Variants in CRISPLD2 observed in about 807,000 individuals in gnomAD.
The protein encoded by CRISPLD2 is cysteine rich secretory protein LCCL domain containing 2, also known as cysteine-rich secretory protein LCCL domain-containing 2.
Under a neutral mutation model 71.1 loss-of-function variants are expected in CRISPLD2, and 47 were observed. That is an observed-to-expected ratio of 0.66 (90% CI 0.52 to 0.84). CRISPLD2 has a LOEUF of 0.84. CRISPLD2 is among the 40% of genes least tolerant of loss of function. CRISPLD2 has a pLI of 0.00. For missense variants in CRISPLD2, 830 were observed against 651.1 expected, an observed-to-expected ratio of 1.27 and a Z score of -2.99; for synonymous variants, 317 against 250.1, an observed-to-expected ratio of 1.27 and a Z score of -2.52.
intron 4 of CRISPLD2, among the ~76,000 whole-genome samples, chr16:84,849,897 T>G (rs1163714218): frequency 6.6e-6 from 1 of 150,868 alleles, no homozygotes; most frequent in East Asian, 1.9e-4. Flanking sequence ...TTTGTATTTT[T>G]TTTTTTTTTT....
intron 6 of CRISPLD2, among the ~76,000 whole-genome samples, chr16:84,862,248 G>A (rs1278904222): frequency 6.6e-6 from 1 of 152,024 alleles, no homozygotes; most frequent in South Asian, 2.1e-4. Context: ...TGTTGCCCAG[G>A]CTGGAGTGCA....
At chr16:84,878,250 T>C (rs1001899848) in intron 12 of CRISPLD2, among the ~76,000 whole-genome samples, 7 of 151,930 alleles carry the variant, frequency 4.6e-5, no homozygotes, top group Non-Finnish European at 1.0e-4. Context: ...ACACAATGTG[T>C]TTTGGCCAAG....
intron 14 of CRISPLD2, 102 bp from the exon 15 acceptor site, chr16:84,906,486 G>T: frequency 8.3e-7 from 1 of 1,199,816 alleles, no homozygotes; most frequent in Non-Finnish European, 1.2e-6. Flanking sequence ...CTTCCACTAC[G>T]GGAGCAAGCA....
chr16:84,820,432 C>T (rs1916205720), intron 1 of CRISPLD2, among the ~76,000 whole-genome samples: 1 of 152,204 alleles, frequency 6.6e-6, no homozygotes, highest in East Asian at 1.9e-4. Context: ...TCTTGCCTTC[C>T]TCGTGCAGTT....
Position 84,854,742 on chromosome 16 carries a change from G to C in CRISPLD2, c.622G>C (p.Gly208Arg). 1.2e-6 allele frequency: 2 copies of C among 1,614,064 alleles called. No homozygotes were observed. The highest frequency in any genetic ancestry group is 1.7e-6 in the Non-Finnish European group (2 of 1,179,930). Residue 208 changes from glycine to arginine, a missense_variant, in exon 6 of 15, where the codon GGA becomes CGA. By Grantham distance (125) the Gly-to-Arg change is moderately radical. Coordinates refer to ENST00000262424, the MANE Select transcript of CRISPLD2 (RefSeq NM_031476.4). ...GTCTGTCCTCAGGGGGAACTGGATT[G>C]GAGAAGCCCCCTACAAGAATGGCCG... ...CNYSPKGNWI[G>R]EAPYKNGRPC...
chr16:84,833,178 C>T (rs1231705253), intron 1 of CRISPLD2, among the ~76,000 whole-genome samples: 1 of 152,194 alleles, frequency 6.6e-6, no homozygotes. Flanking sequence ...CATCTCAAAG[C>T]TCTGGGCAGC....
intron 8 of CRISPLD2, among the ~76,000 whole-genome samples, chr16:84,871,111 C>G (rs2071464989): frequency 6.6e-6 from 1 of 152,060 alleles, no homozygotes; most frequent in Admixed American, 6.6e-5. Flanking sequence ...GTCTGGCTTT[C>G]TTGACTTTTT....
chr16:84,878,969 C>T (rs1424384869), intron 12 of CRISPLD2, among the ~76,000 whole-genome samples: 1 of 152,176 alleles, frequency 6.6e-6, no homozygotes, highest in East Asian at 1.9e-4. Flanking sequence ...GGTGGTGTGG[C>T]CCTCATGAGC....
At chr16:84,844,188 T>G (rs2143193054) in intron 2 of CRISPLD2, among the ~76,000 whole-genome samples, 1 of 152,320 alleles carries the variant, frequency 6.6e-6, no homozygotes, top group Non-Finnish European at 1.5e-5. Context: ...GTTCATGGAA[T>G]TCTCTCCCCA....
intron 14 of CRISPLD2, among the ~76,000 whole-genome samples, chr16:84,891,578 G>T: frequency 6.6e-6 from 1 of 152,218 alleles, no homozygotes. Context: ...TGGCCGGGCT[G>T]GAAAGAAATC....
At chr16:84,894,305 G>T (rs1427450481) in intron 14 of CRISPLD2, among the ~76,000 whole-genome samples, 3 of 152,190 alleles carry the variant, frequency 2.0e-5, no homozygotes, top group Admixed American at 6.5e-5. Context: ...TGTCAGTTCA[G>T]AATTTTTCTT....
At chr16:84,859,488 C>G (rs572335763) in intron 6 of CRISPLD2, among the ~76,000 whole-genome samples, 1 of 152,198 alleles carries the variant, frequency 6.6e-6, no homozygotes, top group African/African-American at 2.4e-5. Context: ...AGATGAACAG[C>G]ATAAATTGTC....
rs557220497 is a variant in CRISPLD2, at chr16:84,905,086, G to A, written c.1440-1502G>A. Among the ~76,000 whole-genome samples the A allele has an allele frequency of 7.4e-4, 112 of 152,270 alleles. 1 individual carries two copies. The highest frequency in any genetic ancestry group is 1.2e-3 in the Non-Finnish European group (82 of 68,012). On this transcript the variant is annotated intron_variant, in intron 14 of 14. Coordinates refer to ENST00000262424, the MANE Select transcript of CRISPLD2 (RefSeq NM_031476.4). ...ACTTGGGCCCAGGAGTTTGAGACCA[G>A]CCTGGGCAACATAGTGAGACTCCAT... is the stretch of plus-strand genomic sequence containing the variant.
intron 3 of CRISPLD2, among the ~76,000 whole-genome samples, chr16:84,848,077 C>T (rs1248571513): frequency 1.3e-5 from 2 of 152,188 alleles, no homozygotes; most frequent in Non-Finnish European, 2.9e-5. Context: ...AGGAATTTTG[C>T]TAACTTGCTT....
chr16:84,845,258 C>T (rs189051725), intron 2 of CRISPLD2, among the ~76,000 whole-genome samples: 38 of 152,238 alleles, frequency 2.5e-4, no homozygotes, highest in African/African-American at 9.2e-4. Context: ...TGTTAGAATG[C>T]AATGAAAAGG....
intron 8 of CRISPLD2, among the ~76,000 whole-genome samples, chr16:84,870,776 C>T (rs949528198): frequency 5.9e-5 from 9 of 151,978 alleles, no homozygotes; most frequent in African/African-American, 1.4e-4. Context: ...TAAACAGTTG[C>T]GGCCAGGTAC....
intron 1 of CRISPLD2, among the ~76,000 whole-genome samples, chr16:84,827,264 C>CCGTGTCTG (rs1163647253): frequency 6.6e-6 from 1 of 152,142 alleles, no homozygotes; most frequent in East Asian, 1.9e-4. Context: ...TGGTTGAGCA[C>CCGTGTCTG]CGTGTCTGCG....
chr16:84,865,200 G>A (rs1286327275), intron 6 of CRISPLD2, among the ~76,000 whole-genome samples: 2 of 150,504 alleles, frequency 1.3e-5, no homozygotes, highest in African/African-American at 4.9e-5. Flanking sequence ...CTGTCGCCCA[G>A]GCTGGAGTGC....
chr16:84,825,539 T>G (rs1377806722), intron 1 of CRISPLD2, among the ~76,000 whole-genome samples: 1 of 152,132 alleles, frequency 6.6e-6, no homozygotes, highest in East Asian at 1.9e-4. Flanking sequence ...GCAGATCACT[T>G]GAGGTCAGGA....
Sources: allele counts gnomAD v4.1 joint callset (sites outside exome capture counted in the v4.1 genomes callset), GRCh38; gene constraint gnomAD v4.1.1; transcripts MANE v1.5; gene names NCBI Gene and HGNC (gene_info 2026-07-23, HGNC 2026-07-21).